IGSF3: variants seen among roughly 807,000 people sequenced by gnomAD.
IGSF3 encodes the protein glu-Trp-Ile EWI motif-containing protein 3.
In IGSF3, 23 loss-of-function variants were observed where a neutral mutation model predicts 114.4. The ratio of observed to expected loss-of-function variants is 0.20; its 90% CI spans 0.14 to 0.28. The LOEUF (loss-of-function observed/expected upper bound fraction) is 0.28, where lower values mean the gene tolerates loss of function less well. Ranked by LOEUF, IGSF3 falls within the 10% of genes least tolerant of loss-of-function variation. The pLI, the probability that IGSF3 is intolerant of heterozygous loss-of-function variation, is 1.00. For synonymous variants in IGSF3, 571 were observed against 645.2 expected, an observed-to-expected ratio of 0.88 and a Z score of 1.74; for missense variants, 1,172 against 1,591.5, an observed-to-expected ratio of 0.74 and a Z score of 4.48.
At chr1:116,580,846 C>T (rs1380070619) in intron 9 of IGSF3, among the ~76,000 whole-genome samples, 1 of 152,212 alleles carries the variant, frequency 6.6e-6, no homozygotes, top group Non-Finnish European at 1.5e-5. Flanking sequence ...GAAGCAGCCA[C>T]AACCAGGGAA....
chr1:116,664,876 G>A lies in IGSF3; in HGVS notation c.43+1408C>T, dbSNP rs997770920. 2.0e-5 allele frequency among the ~76,000 whole-genome samples: 3 copies of A among 152,214 alleles called. No homozygotes were observed. The highest frequency in any genetic ancestry group is 2.9e-5 in the Non-Finnish European group (2 of 68,034). ...ACCATGCATGGAATTACCTGAGATA[G>A]CTCAAAGGCTGAGACCTGGGTCCCA... On this transcript the variant is annotated intron_variant, in intron 2 of 10. Coordinates refer to ENST00000369486, the MANE Select transcript of IGSF3 (RefSeq NM_001007237.3). This position sits in a 1 kb window ranked among gnomAD's most constrained non-coding sequence, Gnocchi z 4.6.
chr1:116,631,027 G>C (rs1054430421), intron 2 of IGSF3, among the ~76,000 whole-genome samples: 9 of 152,182 alleles, frequency 5.9e-5, no homozygotes, highest in Admixed American at 5.2e-4. Context: ...CTACTAAAGA[G>C]CATGGGCTTG....
chr1:116,654,319 G>A lies in IGSF3; in HGVS notation c.43+11965C>T, dbSNP rs1230334998. Reference sequence around the variant, plus strand: ...ACCAGGCAGAATTTACAACCGTCTGGGACCTGCAGTCTCAGAGGGCTCACG... The same window carrying A: ...ACCAGGCAGAATTTACAACCGTCTGAGACCTGCAGTCTCAGAGGGCTCACG... On this transcript the variant is annotated intron_variant, in intron 2 of 10. Coordinates refer to ENST00000369486, the MANE Select transcript of IGSF3 (RefSeq NM_001007237.3). The surrounding 1 kb of genome is among the most constrained non-coding windows in gnomAD (Gnocchi z 4.4). Among the ~76,000 whole-genome samples, 2 of 152,210 alleles carry A rather than the reference G, an allele frequency of 1.3e-5. No homozygotes were observed. The highest frequency in any genetic ancestry group is 2.4e-5 in the African/African-American group (1 of 41,456).
rs1363365411 is a variant in IGSF3 at position 116,603,944 on chromosome 1, C to T, written c.1304G>A (p.Arg435His). ...GCGACCCTGCGGCCTGCCTGCCGTG[C>T]GGACACTGCAGGAGAAGCGCAGGTC... ...GEDLRFSCSV[R>H]TAGRPQGRFS... The change falls in exon 6 of 11, where the codon CGC becomes CAC. Residue 435 changes from arginine to histidine, a missense_variant. Physicochemically the swap from Arg to His is conservative, Grantham distance 29 (BLOSUM62 0). Coordinates refer to ENST00000369486, the MANE Select transcript of IGSF3 (RefSeq NM_001007237.3). This position sits in a 1 kb window ranked among gnomAD's most constrained non-coding sequence, Gnocchi z 7.1. 4 of 1,613,646 alleles carry T rather than the reference C, an allele frequency of 2.5e-6. No homozygotes were observed. The highest frequency in any genetic ancestry group is 1.3e-5 in the African/African-American group (1 of 74,926).
rs750514261 is a variant in IGSF3 at position 116,616,414 on chromosome 1, G to A, written c.87C>T (p.Pro29=). 1 of 1,608,782 alleles carries A rather than the reference G, an allele frequency of 6.2e-7. No homozygotes were observed. ...AQRQVTVQEG[P]LYRTEGSHIT... is the part of the protein sequence containing the mutation. ...TGTGGGAGCCCTCCGTGCGGTACAAGGGTCCTTCCTGAACGGTGACCTGCC... is the reference window on the plus strand; with the variant it reads ...TGTGGGAGCCCTCCGTGCGGTACAAAGGTCCTTCCTGAACGGTGACCTGCC... Residue 29 remains proline, a synonymous_variant, in exon 3 of 11, where the codon CCC becomes CCT. Coordinates refer to ENST00000369486, the MANE Select transcript of IGSF3 (RefSeq NM_001007237.3). This position sits in a 1 kb window ranked among gnomAD's most constrained non-coding sequence, Gnocchi z 6.6.
In IGSF3 at chr1:116,605,493, T is replaced by C. The variant is rs1395135207; in HGVS notation, c.1223-1468A>G. On this transcript the variant is annotated intron_variant, in intron 5 of 10. Coordinates refer to ENST00000369486, the MANE Select transcript of IGSF3 (RefSeq NM_001007237.3). This position sits in a 1 kb window ranked among gnomAD's most constrained non-coding sequence, Gnocchi z 5.1. Reference sequence around the variant, plus strand: ...CCAGGACTCATACCAGGATGATTCATAGAGATGATCAGGCTCCTGAACAGT... The same window carrying C: ...CCAGGACTCATACCAGGATGATTCACAGAGATGATCAGGCTCCTGAACAGT... Among the ~76,000 whole-genome samples the C allele has an allele frequency of 2.0e-5, 3 of 152,112 alleles. No individual in the cohort carries two copies. The highest frequency in any genetic ancestry group is 4.8e-5 in the African/African-American group (2 of 41,420).
Position 116,579,657 on chromosome 1 carries a change from G to GTCA in IGSF3, c.3068_3069insTGA (p.Asp1026dup), listed in dbSNP as rs774851287. The GTCA allele has an allele frequency of 1.5e-4, 236 of 1,599,316 alleles. 1 individual carries two copies. The South Asian group carries it at 2.4e-3, about 16-fold the overall frequency. On this transcript the variant is annotated inframe_insertion, in exon 10 of 11. Transcript: ENST00000369486. The surrounding 1 kb of genome is among the most constrained non-coding windows in gnomAD (Gnocchi z 6.4). Reference sequence around the variant, plus strand: ...CCGTCCGCTCTGTTGGGTCGTCGTCGTCGTCGTCGTCCTCCTCCTCCTCCT... The same window carrying GTCA: ...CCGTCCGCTCTGTTGGGTCGTCGTCGTCATCGTCGTCGTCCTCCTCCTCCTCCT...
At chr1:116,652,217 A>G (rs2101071730) in intron 2 of IGSF3, among the ~76,000 whole-genome samples, 1 of 152,364 alleles carries the variant, frequency 6.6e-6, no homozygotes, top group South Asian at 2.1e-4. Context: ...ACTTAAGAGA[A>G]CAAACGGTTT....
rs897198187 is a variant in IGSF3, at chr1:116,595,705, C to G, written c.2029+4236G>C. On this transcript the variant is annotated intron_variant, in intron 7 of 10. Transcript: ENST00000369486. This position sits in a 1 kb window ranked among gnomAD's most constrained non-coding sequence, Gnocchi z 4.2. ...AATTTTAATGTACAATATTTAATAG[C>G]CAAACCAAGATATTGTCATAAACAT... is the stretch of plus-strand genomic sequence containing the variant. Among the ~76,000 whole-genome samples the G allele has an allele frequency of 2.0e-5, 3 of 152,122 alleles. No individual in the cohort carries two copies. The highest frequency in any genetic ancestry group is 7.2e-5 in the African/African-American group (3 of 41,382).
At chr1:116,617,598 T>C (rs1441981273) in intron 2 of IGSF3, among the ~76,000 whole-genome samples, 1 of 152,244 alleles carries the variant, frequency 6.6e-6, no homozygotes, top group East Asian at 1.9e-4. Flanking sequence ...TTGTCACTTA[T>C]TAACTGTGAT....
chr1:116,658,522 A>T (rs1165008355), intron 2 of IGSF3, among the ~76,000 whole-genome samples: 1 of 152,114 alleles, frequency 6.6e-6, no homozygotes, highest in Non-Finnish European at 1.5e-5. Context: ...TCTCTAGCCC[A>T]GATACCCAGT....
chr1:116,661,690 T>C lies in IGSF3; in HGVS notation c.43+4594A>G, dbSNP rs1207882322. ...AACCCTACTCTGCCACTTTTTAGCT[T>C]TGTGACTATGGCAGAGATGGGCAGC... On this transcript the variant is annotated intron_variant, in intron 2 of 10. Transcript: ENST00000369486. The surrounding 1 kb of genome is among the most constrained non-coding windows in gnomAD (Gnocchi z 4.0). Among the ~76,000 whole-genome samples, 2 of 152,166 alleles carry C rather than the reference T, an allele frequency of 1.3e-5. No individual in the cohort carries two copies. The highest frequency in any genetic ancestry group is 4.8e-5 in the African/African-American group (2 of 41,434).
chr1:116,586,134 G>A (rs1267431485), intron 8 of IGSF3, among the ~76,000 whole-genome samples: 1 of 152,164 alleles, frequency 6.6e-6, no homozygotes, highest in African/African-American at 2.4e-5. Context: ...GACATCAGAG[G>A]AGGGGAGGTT....
Position 116,657,208 on chromosome 1 carries a change from C to T in IGSF3, c.43+9076G>A, listed in dbSNP as rs1369163066. On this transcript the variant is annotated intron_variant, in intron 2 of 10. Transcript: ENST00000369486. This position sits in a 1 kb window ranked among gnomAD's most constrained non-coding sequence, Gnocchi z 4.2. ...CTGGCTGGGATAGGGTAGGTGTGAT[C>T]TGACCCACAGCAAATGATGGCTGCT... 6.6e-6 allele frequency among the ~76,000 whole-genome samples: 1 copy of T among 152,182 alleles called. No homozygotes were observed. Among genetic ancestry groups the T allele is most frequent in the Non-Finnish European group, 1.5e-5 (1 of 68,042 alleles).
chr1:116,645,935 C>A (rs796275522), intron 2 of IGSF3, among the ~76,000 whole-genome samples: 1 of 152,170 alleles, frequency 6.6e-6, no homozygotes, highest in Non-Finnish European at 1.5e-5. Context: ...GACGCGACTG[C>A]GCTGGGAGTG....
rs1244425523 is a variant in IGSF3, at chr1:116,647,603, G to A, written c.43+18681C>T. On this transcript the variant is annotated intron_variant, in intron 2 of 10. Coordinates refer to ENST00000369486, the MANE Select transcript of IGSF3 (RefSeq NM_001007237.3). This position sits in a 1 kb window ranked among gnomAD's most constrained non-coding sequence, Gnocchi z 4.6. ...TATTTCCTATTATTTTACAGATGAG[G>A]AAATGAGAGTTTAGAAAAGTAACTT... Among the ~76,000 whole-genome samples, 4 of 152,216 alleles carry A rather than the reference G, an allele frequency of 2.6e-5. No individual in the cohort carries two copies. Among genetic ancestry groups the A allele is most frequent in the African/African-American group, 9.6e-5 (4 of 41,456 alleles).
In IGSF3 at chr1:116,602,711, G is replaced by A. The variant is rs181793449; in HGVS notation, c.1624+913C>T. ...AAGGAAGGTGGTGACACAGTCCCAG[G>A]GAGTGGGACATAAAGTTGCTGAGGA... is the stretch of plus-strand genomic sequence containing the variant. On this transcript the variant is annotated intron_variant, in intron 6 of 10. Coordinates refer to ENST00000369486, the MANE Select transcript of IGSF3 (RefSeq NM_001007237.3). Among the ~76,000 whole-genome samples the A allele has an allele frequency of 4.0e-3, 608 of 152,314 alleles. 2 individuals carry two copies. Among genetic ancestry groups the A allele is most frequent in the Middle Eastern group, 6.8e-3 (2 of 294 alleles).
At position 116,588,635 on chromosome 1, in the gene IGSF3, C is replaced by T; in HGVS notation, c.2440+59G>A. 2 of 1,424,406 alleles carry T rather than the reference C, an allele frequency of 1.4e-6. No individual in the cohort carries two copies. The highest frequency in any genetic ancestry group is 1.9e-6 in the Non-Finnish European group (2 of 1,049,938). 88.2% of individuals were successfully genotyped at this position (1,424,406 alleles called of 1,614,324 possible). A position where few individuals can be genotyped will look rare whatever the true frequency, so the allele number is the denominator to read the frequency against. ...CCAGCCCCACAGATCCCCACCCACC[C>T]CCAGGCAGTCTCTGCACTAAACCCA... is the stretch of plus-strand genomic sequence containing the variant. On this transcript the variant is annotated intron_variant, in intron 8 of 10. Transcript: ENST00000369486. This position sits in a 1 kb window ranked among gnomAD's most constrained non-coding sequence, Gnocchi z 4.9.
At position 116,579,589 on chromosome 1, in the gene IGSF3, C is replaced by G; in HGVS notation, c.3137G>C (p.Gly1046Ala). The stretch of plus-strand genomic sequence containing the variant: ...GCGAAGCCTGCCCTCCCAAGGACTG[C>G]CCTCTGGGCCAAAGACAGCATCTGG... ...VGPDAVFGPE[G>A]SPWEGRLRFQ... is the part of the protein sequence containing the mutation. The change falls in exon 10 of 11, where the codon GGC becomes GCC. Residue 1046 changes from glycine (G) to alanine (A), a missense_variant. Physicochemically the swap from Gly to Ala is moderately conservative, Grantham distance 60. This residue lies in a region of IGSF3 where 423 missense variants were observed against 509.8 expected (regional missense o/e 0.83). Transcript: ENST00000369486. The surrounding 1 kb of genome is among the most constrained non-coding windows in gnomAD (Gnocchi z 6.4). 6.2e-7 allele frequency: 1 copy of G among 1,614,168 alleles called. No homozygotes were observed. Among genetic ancestry groups the G allele is most frequent in the Non-Finnish European group, 8.5e-7 (1 of 1,180,044 alleles).
Sources: allele counts gnomAD v4.1 joint callset (sites outside exome capture counted in the v4.1 genomes callset), GRCh38; gene constraint gnomAD v4.1.1; regional missense constraint gnomAD v4.1.1; non-coding constraint Gnocchi (gnomAD v3.1); transcripts MANE v1.5; gene names NCBI Gene and HGNC (gene_info 2026-07-23, HGNC 2026-07-21).